The following BAZ2B variants were observed in gnomAD, a reference collection of about 807,000 sequenced individuals.
BAZ2B encodes the protein bromodomain adjacent to zinc finger domain protein 2B.
A neutral mutation model predicts 246.0 loss-of-function variants in BAZ2B; 91 were observed. That is an observed-to-expected ratio of 0.37 (90% CI 0.31 to 0.44). The LOEUF (loss-of-function observed/expected upper bound fraction) is 0.44. Among genes scored for constraint, BAZ2B ranks in the 20% least tolerant of loss-of-function variants. The pLI, the probability that BAZ2B is intolerant of heterozygous loss-of-function variation, is 1.00. For synonymous variants in BAZ2B, 855 were observed against 860.0 expected (o/e 0.99, Z 0.10); for missense variants, 2,332 against 2,533.7 (o/e 0.92, Z 1.71).
chr2:159,479,685 A>C (rs2079026943), intron 2 of BAZ2B, among the ~76,000 whole-genome samples: 1 of 152,196 alleles, frequency 6.6e-6, no homozygotes, highest in South Asian at 2.1e-4. Flanking sequence ...CATTTAAAAA[A>C]TTGACTAATT....
intron 1 of BAZ2B, among the ~76,000 whole-genome samples, chr2:159,612,623 A>C (rs1468961811): frequency 6.6e-6 from 1 of 152,196 alleles, no homozygotes. Context: ...ACTTTCATGC[A>C]ACTGTGATAT....
chr2:159,382,849 A>G (rs368945772), intron 24 of BAZ2B, 47 bp from the exon 25 acceptor site: 12 of 1,584,502 alleles, frequency 7.6e-6, no homozygotes, highest in Admixed American at 1.8e-5. Flanking sequence ...AGACTTCTCA[A>G]TATACTTTTA....
At chr2:159,401,620 C>T (rs1169267548) in intron 16 of BAZ2B, among the ~76,000 whole-genome samples, 3 of 152,032 alleles carry the variant, frequency 2.0e-5, no homozygotes, top group Non-Finnish European at 2.9e-5. Context: ...TATAATTTAA[C>T]ATTCCAGGGA....
intron 2 of BAZ2B, among the ~76,000 whole-genome samples, chr2:159,480,438 CT>C (rs2079105198): frequency 6.6e-6 from 1 of 151,902 alleles, no homozygotes; most frequent in Admixed American, 6.6e-5. Flanking sequence ...TTGATAAAAC[CT>C]GATTCAGGAC....
intron 1 of BAZ2B, among the ~76,000 whole-genome samples, chr2:159,566,236 C>T (rs1682546915): frequency 6.6e-6 from 1 of 152,158 alleles, no homozygotes; most frequent in African/African-American, 2.4e-5. Flanking sequence ...GTTTCGAACT[C>T]CTGACCTCAG....
At chr2:159,708,702 G>A in the BAZ2B span, among the ~76,000 whole-genome samples, 15 of 151,942 alleles carry the variant, frequency 9.9e-5, no homozygotes, top group East Asian at 2.9e-3. Context: ...AGCCTCCCAA[G>A]TAGCTGGGAT....
At chr2:159,669,129 C>A in the BAZ2B span, among the ~76,000 whole-genome samples, 52 of 152,186 alleles carry the variant, frequency 3.4e-4, no homozygotes, top group East Asian at 9.7e-3. Flanking sequence ...TATCTACATT[C>A]CTCAAGTTTT....
At chr2:159,426,169 T>G (rs1009886031) in intron 13 of BAZ2B, among the ~76,000 whole-genome samples, 1 of 152,172 alleles carries the variant, frequency 6.6e-6, no homozygotes, top group Middle Eastern at 3.2e-3. Context: ...CAGTATGCAT[T>G]TGGAAAACAC....
intron 1 of BAZ2B, among the ~76,000 whole-genome samples, chr2:159,565,707 G>T (rs181324495): frequency 1.7e-4 from 26 of 150,914 alleles, no homozygotes; most frequent in African/African-American, 5.8e-4. Context: ...AATCCGGGAG[G>T]GCGAGTTTGC....
chr2:159,436,650 C>T (rs10187228), intron 8 of BAZ2B, among the ~76,000 whole-genome samples: 2 of 152,274 alleles, frequency 1.3e-5, no homozygotes, highest in South Asian at 4.1e-4. Flanking sequence ...ACTCGGGAGG[C>T]TGAGGCGGGA....
At chr2:159,584,294 G>A (rs1467477581) in intron 1 of BAZ2B, among the ~76,000 whole-genome samples, 2 of 152,082 alleles carry the variant, frequency 1.3e-5, no homozygotes, top group East Asian at 3.9e-4. Context: ...GCTAATTTTT[G>A]TATTTTTAGC....
chr2:159,412,673 G>T, intron 13 of BAZ2B, 128 bp from the exon 14 acceptor site: 3 of 807,932 alleles, frequency 3.7e-6, no homozygotes, highest in Admixed American at 2.9e-5. Flanking sequence ...TAAGCTTTAG[G>T]AATTTCATTT....
intron 23 of BAZ2B, among the ~76,000 whole-genome samples, chr2:159,384,944 A>G (rs1004329918): frequency 4.6e-5 from 7 of 152,202 alleles, no homozygotes; most frequent in Non-Finnish European, 7.4e-5. Context: ...ACAGACACAC[A>G]GTATAATCCA....
At chr2:159,354,126 G>A (rs1575965441) in intron 27 of BAZ2B, among the ~76,000 whole-genome samples, 2 of 152,098 alleles carry the variant, frequency 1.3e-5, no homozygotes, top group East Asian at 3.9e-4. Context: ...GTATTAGTTA[G>A]TAGTGGAGTA....
chr2:159,614,112 A>T (rs949005347), intron 1 of BAZ2B, among the ~76,000 whole-genome samples: 2 of 152,188 alleles, frequency 1.3e-5, no homozygotes, highest in African/African-American at 2.4e-5. Flanking sequence ...GCTGACTGAA[A>T]ATGACTACAG....
chr2:159,590,241 A>G (rs1689053483), intron 1 of BAZ2B, among the ~76,000 whole-genome samples: 1 of 136,272 alleles, frequency 7.3e-6, no homozygotes, highest in Non-Finnish European at 1.6e-5. Flanking sequence ...ACAACCCAGC[A>G]AGAACTGGCT....
intron 1 of BAZ2B, among the ~76,000 whole-genome samples, chr2:159,588,449 A>G (rs1688562044): frequency 6.6e-6 from 1 of 152,002 alleles, no homozygotes; most frequent in African/African-American, 2.4e-5. Context: ...ACTTGAGCCC[A>G]GGAGTTGGAG....
chr2:159,355,658 T>A lies in BAZ2B; in HGVS notation c.4214-5301A>T, dbSNP rs147291128. 5.3e-5 allele frequency among the ~76,000 whole-genome samples: 8 copies of A among 152,054 alleles called. No individual in the cohort carries two copies. In the East Asian group the frequency reaches 1.6e-3, roughly 30 times the overall value. ...AATAAATTATCTATAACCTAACATA[T>A]CCCAAATGGCTTTAAAAAAACAGTG... is the stretch of plus-strand genomic sequence containing the variant. On this transcript the variant is annotated intron_variant, in intron 27 of 36. Transcript: ENST00000392783.
In BAZ2B at chr2:159,425,094, C is replaced by T. The variant is rs147013917; in HGVS notation, c.2466+2847G>A. Among the ~76,000 whole-genome samples the T allele has an allele frequency of 4.5e-4, 68 of 152,312 alleles. No homozygotes were observed. In the East Asian group the frequency reaches 0.011, roughly 25 times the overall value. ...AACATTTAAGATCATTTTGTACAAT[C>T]TCCATGCATTTGGAAAACTATGAAT... On this transcript the variant is annotated intron_variant, in intron 13 of 36. Coordinates refer to ENST00000392783, the MANE Select transcript of BAZ2B (RefSeq NM_013450.4).
Sources: allele counts gnomAD v4.1 joint callset (sites outside exome capture counted in the v4.1 genomes callset), GRCh38; gene constraint gnomAD v4.1.1; transcripts MANE v1.5; gene names NCBI Gene and HGNC (gene_info 2026-07-23, HGNC 2026-07-21).